The following CPXM2 variants were observed in gnomAD, a reference collection of about 807,000 sequenced individuals.
CPXM2 encodes carboxypeptidase X, M14 family member 2.
A neutral mutation model predicts 86.1 loss-of-function variants in CPXM2; 66 were observed. The ratio of observed to expected loss-of-function variants is 0.77; its 90% CI spans 0.63 to 0.94. The LOEUF is 0.94. Ranked by LOEUF, CPXM2 falls within the 40% of genes least tolerant of loss-of-function variation. The pLI, the probability that CPXM2 is intolerant of heterozygous loss-of-function variation, is 0.00. For missense variants in CPXM2, 948 were observed against 1,026.3 expected (o/e 0.92, Z 1.04); for synonymous variants, 388 against 400.2 (o/e 0.97, Z 0.36).
intron 10 of CPXM2, among the ~76,000 whole-genome samples, chr10:123,765,612 G>A (rs1846452741): frequency 6.6e-6 from 1 of 152,206 alleles, no homozygotes; most frequent in Admixed American, 6.5e-5. Context: ...AGGTTCTGTG[G>A]GAAACATGAG....
intron 4 of CPXM2, among the ~76,000 whole-genome samples, chr10:123,827,454 T>C (rs1848071849): frequency 6.6e-6 from 1 of 152,146 alleles, no homozygotes; most frequent in Non-Finnish European, 1.5e-5. Flanking sequence ...TCATTTACAA[T>C]TGCTCAAAAA....
At chr10:123,843,516 C>T (rs917143627) in intron 3 of CPXM2, among the ~76,000 whole-genome samples, 4 of 146,868 alleles carry the variant, frequency 2.7e-5, no homozygotes, top group African/African-American at 1.0e-4. Flanking sequence ...TCACTGCAAG[C>T]TCCGCCTCCC....
intron 13 of CPXM2, chr10:123,752,701 G>A (rs1846106751): frequency 1.2e-6 from 1 of 812,032 alleles, no homozygotes; most frequent in Non-Finnish European, 1.5e-6. Flanking sequence ...ATAAAGGAAG[G>A]AGCACCAGAT....
intron 4 of CPXM2, among the ~76,000 whole-genome samples, chr10:123,827,849 G>C (rs996930635): frequency 2.0e-5 from 3 of 152,094 alleles, no homozygotes; most frequent in African/African-American, 7.2e-5. Context: ...ATGATAGTAA[G>C]GGTTCTGTGG....
At position 123,841,963 on chromosome 10, in the gene CPXM2, C is replaced by T. The variant is rs185330837; in HGVS notation, c.653+386G>A. The stretch of plus-strand genomic sequence containing the variant: ...TTCCAGGATCTGGACAATCCATGCC[C>T]TCTACCCCAGAACTGTGTACTCACT... On this transcript the variant is annotated intron_variant, in intron 4 of 13. Coordinates refer to ENST00000241305, the MANE Select transcript of CPXM2 (RefSeq NM_198148.3). 2.2e-3 allele frequency among the ~76,000 whole-genome samples: 334 copies of T among 152,312 alleles called. 2 individuals are homozygous for T. The highest frequency in any genetic ancestry group is 7.6e-3 in the African/African-American group (318 of 41,570).
intron 2 of CPXM2, among the ~76,000 whole-genome samples, chr10:123,878,723 C>A (rs546508155): frequency 1.3e-5 from 2 of 151,990 alleles, no homozygotes; most frequent in African/African-American, 4.8e-5. Context: ...TGAAGAAATA[C>A]GTTTATTTCT....
At chr10:123,803,111 T>C (rs993464988) in intron 4 of CPXM2, among the ~76,000 whole-genome samples, 1 of 140,204 alleles carries the variant, frequency 7.1e-6, no homozygotes, top group Non-Finnish European at 1.6e-5. Context: ...ATCCTCTTTG[T>C]AGTACCCTTT....
At chr10:123,788,099 G>A (rs1391693425) in intron 6 of CPXM2, among the ~76,000 whole-genome samples, 2 of 151,624 alleles carry the variant, frequency 1.3e-5, no homozygotes, top group Non-Finnish European at 2.9e-5. Flanking sequence ...GGCCAACATG[G>A]TGAAATCCCG....
At chr10:123,854,373 T>TAA (rs1564798920) in intron 3 of CPXM2, among the ~76,000 whole-genome samples, 1 of 83,108 alleles carries the variant, frequency 1.2e-5, no homozygotes, top group Non-Finnish European at 2.4e-5. Context: ...TATATATATA[T>TAA]AATATATATA....
At chr10:123,833,871 A>G (rs1005362045) in intron 4 of CPXM2, among the ~76,000 whole-genome samples, 3 of 152,058 alleles carry the variant, frequency 2.0e-5, no homozygotes, top group Non-Finnish European at 2.9e-5. Flanking sequence ...AGGACCCTCT[A>G]CGAAAGGGAA....
chr10:123,804,024 C>T (rs909423799), intron 4 of CPXM2, among the ~76,000 whole-genome samples: 1 of 152,110 alleles, frequency 6.6e-6, no homozygotes, highest in African/African-American at 2.4e-5. Flanking sequence ...GGTTATTTTC[C>T]TATTGCACCA....
At chr10:123,747,280 C>T (rs1052288014) in intron 13 of CPXM2, among the ~76,000 whole-genome samples, 4 of 152,300 alleles carry the variant, frequency 2.6e-5, no homozygotes, top group Admixed American at 6.5e-5. Context: ...GCTGGAGAGC[C>T]GATCACTAAT....
intron 4 of CPXM2, among the ~76,000 whole-genome samples, chr10:123,829,145 A>G (rs1405316821): frequency 1.3e-5 from 2 of 152,244 alleles, no homozygotes; most frequent in East Asian, 3.8e-4. Context: ...GCTATTAAAG[A>G]AATGCAAATT....
rs191696261 is a variant in CPXM2, at chr10:123,922,153, G to T, written n.174+17324C>A. On this transcript the variant is annotated intron_variant and non_coding_transcript_variant, in intron 2 of 19. Coordinates refer to the CPXM2 transcript ENST00000368854. ...GACCTCTACCCCGTAGATACCAGGA[G>T]CACCCATGCCCCACACTTGTGACAA... Among the ~76,000 whole-genome samples the T allele has an allele frequency of 3.7e-3, 568 of 152,318 alleles. 4 individuals are homozygous for T. The highest frequency in any genetic ancestry group is 4.5e-3 in the Non-Finnish European group (306 of 68,030).
At chr10:123,937,624 C>T (rs1208922712) in intron 2 of CPXM2, among the ~76,000 whole-genome samples, 2 of 152,042 alleles carry the variant, frequency 1.3e-5, no homozygotes, top group Admixed American at 1.3e-4. Flanking sequence ...TGCCTTTTTT[C>T]AACAAAGTCT....
At chr10:123,839,362 T>C (rs185266038) in intron 4 of CPXM2, among the ~76,000 whole-genome samples, 18 of 152,352 alleles carry the variant, frequency 1.2e-4, no homozygotes, top group African/African-American at 4.3e-4. Flanking sequence ...TATAAATAAA[T>C]GCTCATTCAT....
chr10:123,852,137 C>T (rs1476719404), intron 3 of CPXM2, among the ~76,000 whole-genome samples: 1 of 152,164 alleles, frequency 6.6e-6, no homozygotes, highest in Non-Finnish European at 1.5e-5. Flanking sequence ...TTGTTGTCTT[C>T]AGTTTCCCTA....
Position 123,754,619 on chromosome 10 carries a change from G to C in CPXM2, c.2017+44C>G, listed in dbSNP as rs751770326. On this transcript the variant is annotated intron_variant, in intron 13 of 13. Transcript: ENST00000241305. This position sits in a 1 kb window ranked among gnomAD's most constrained non-coding sequence, Gnocchi z 4.0. ...ACCCAAGTAAAATGCCTAAAAAAAT[G>C]GGTATTTCTTACCAAGAGACAGTCT... The C allele has an allele frequency of 3.9e-6, 4 of 1,020,324 alleles. No homozygotes were observed. The highest frequency in any genetic ancestry group is 6.2e-6 in the Non-Finnish European group (4 of 641,138). 63.2% of individuals were successfully genotyped at this position (1,020,324 alleles called of 1,614,324 possible).
intron 2 of CPXM2, among the ~76,000 whole-genome samples, chr10:123,898,385 T>C (rs1248539810): frequency 1.3e-5 from 2 of 152,148 alleles, no homozygotes; most frequent in African/African-American, 4.8e-5. Flanking sequence ...GCCCAGGAGT[T>C]CAAGGCTGTA....
Sources: allele counts gnomAD v4.1 joint callset (sites outside exome capture counted in the v4.1 genomes callset), GRCh38; gene constraint gnomAD v4.1.1; non-coding constraint Gnocchi (gnomAD v3.1); transcripts MANE v1.5; gene names NCBI Gene and HGNC (gene_info 2026-07-23, HGNC 2026-07-21).